SCUBE2: variants seen among roughly 807,000 people sequenced by gnomAD.
SCUBE2 encodes the protein signal peptide, CUB domain and EGF like domain containing 2.
In SCUBE2, 114 loss-of-function variants were observed where a neutral mutation model predicts 125.9. The ratio of observed to expected loss-of-function variants is 0.91; its 90% CI spans 0.78 to 1.06. The LOEUF is 1.06. Among genes scored for constraint, SCUBE2 ranks in the 50% least tolerant of loss-of-function variants. The probability of loss-of-function intolerance (pLI) is 0.00; values close to 1 mark genes in which losing one functional copy is unlikely to be tolerated. For synonymous variants in SCUBE2, 459 were observed against 492.9 expected, an observed-to-expected ratio of 0.93 and a Z score of 0.91; for missense variants, 1,255 against 1,301.8, an observed-to-expected ratio of 0.96 and a Z score of 0.55.
Position 9,027,445 on chromosome 11 carries a change from G to A in SCUBE2, c.2620C>T (p.Arg874Cys), listed in dbSNP as rs1289340109. The change falls in exon 20 of 23, where the codon CGC becomes TGC. Residue 874 changes from arginine to cysteine, a missense_variant. Physicochemically the swap from Arg to Cys is radical, Grantham distance 180 (BLOSUM62 -3). This residue lies in a region of SCUBE2 where 515 missense variants were observed against 515.7 expected (regional missense o/e 1.00). Coordinates refer to ENST00000649792, the MANE Select transcript of SCUBE2 (RefSeq NM_001367977.2). ...CTWTINPPPK[R>C]RILIVVPEIF... ...TCAGGGACCACGATCAGGATGCGGC[G>A]CTTGGGGGGTGGGTTGATGGTCCAC... The A allele has an allele frequency of 9.9e-6, 16 of 1,613,964 alleles. No individual in the cohort carries two copies. The highest frequency in any genetic ancestry group is 1.3e-5 in the Non-Finnish European group (15 of 1,180,024).
In SCUBE2 at chr11:9,054,745, T is replaced by TTTTTTTTTTTTC. The variant is rs1350882447; in HGVS notation, c.1208-987_1208-986insGAAAAAAAAAAA. ...TATATATTTTTTTTTTTTTTTTTTT[T>TTTTTTTTTTTTC]TTTTTTTCAGGTGGAGTTTCGCTCT... On this transcript the variant is annotated intron_variant, in intron 10 of 22. Transcript: ENST00000649792. Among the ~76,000 whole-genome samples the TTTTTTTTTTTTC allele has an allele frequency of 9.1e-5, 10 of 110,432 alleles. 1 individual carries two copies. The highest frequency in any genetic ancestry group is 1.7e-4 in the Non-Finnish European group (9 of 54,046). The allele number at this position is 110,432 out of a possible 152,430, so 72.4% of individuals were successfully genotyped here.
chr11:9,091,105 C>T lies in SCUBE2; in HGVS notation c.133+291G>A, dbSNP rs1334582962. 6.6e-6 allele frequency among the ~76,000 whole-genome samples: 1 copy of T among 152,196 alleles called. No homozygotes were observed. Among genetic ancestry groups the T allele is most frequent in the Non-Finnish European group, 1.5e-5 (1 of 68,030 alleles). ...CAAGGCCAGGGTCCGCACCCTCCTG[C>T]CTGCTCGCCGGCGACGGTCTGACTA... On this transcript the variant is annotated intron_variant, in intron 1 of 22. Transcript: ENST00000649792. The surrounding 1 kb of genome is among the most constrained non-coding windows in gnomAD (Gnocchi z 8.5).
intron 17 of SCUBE2, among the ~76,000 whole-genome samples, chr11:9,033,005 A>G (rs1856445662): frequency 6.6e-6 from 1 of 152,178 alleles, no homozygotes; most frequent in Non-Finnish European, 1.5e-5. Context: ...TGGCCATCAG[A>G]TATAAATCAC....
chr11:9,047,578 G>A lies in SCUBE2; in HGVS notation c.1796-16C>T. ...TCACAAGAAGCTACAGAAACAAGAG[G>A]GACAGCAGTGCGGGAGGAGATCAGG... On this transcript the variant is annotated splice_polypyrimidine_tract_variant and intron_variant, in intron 15 of 22. Transcript: ENST00000649792. 2 of 1,612,366 alleles carry A rather than the reference G, an allele frequency of 1.2e-6. No individual in the cohort carries two copies. Among genetic ancestry groups the A allele is most frequent in the South Asian group, 2.2e-5 (2 of 90,882 alleles).
chr11:9,032,822 A>G (rs1856430015), intron 17 of SCUBE2, among the ~76,000 whole-genome samples: 1 of 152,210 alleles, frequency 6.6e-6, no homozygotes, highest in Admixed American at 6.5e-5. Context: ...TTGGAGTTTT[A>G]TAACAGACCA....
chr11:9,088,665 C>T (rs1032765995), intron 2 of SCUBE2, among the ~76,000 whole-genome samples: 3 of 152,188 alleles, frequency 2.0e-5, no homozygotes, highest in East Asian at 1.9e-4. Context: ...TAAAACCTCT[C>T]GAAGAGGAAG....
rs3751054 is a variant in SCUBE2, at chr11:9,047,500, T to C, written c.1858A>G (p.Thr620Ala). The change falls in exon 16 of 23, where the codon ACG becomes GCG. Residue 620 changes from threonine to alanine, a missense_variant. Physicochemically the swap from Thr to Ala is moderately conservative, Grantham distance 58. This residue lies in a region of SCUBE2 where 515 missense variants were observed against 515.7 expected (regional missense o/e 1.00). Transcript: ENST00000649792. ...TCCCTGTGGACGGCCTTTCTGAGCG[T>C]GCGGATGGCTTTACGGAGCCGCTTC... is the stretch of plus-strand genomic sequence containing the variant. ...TEKRLRKAIR[T>A]LRKAVHREQF... is the part of the protein sequence containing the mutation. 5.0e-6 allele frequency: 8 copies of C among 1,613,522 alleles called. No individual in the cohort carries two copies. In the East Asian group the frequency reaches 1.1e-4, roughly 22 times the overall value.
chr11:9,025,610 A>G, intron 21 of SCUBE2, 92 bp downstream of exon 21: 3 of 1,474,456 alleles, frequency 2.0e-6, no homozygotes. Flanking sequence ...CTTTCTGAGC[A>G]TGTGTGCTTG....
chr11:9,025,460 C>G (rs902043595), intron 21 of SCUBE2: 2 of 411,806 alleles, frequency 4.9e-6, no homozygotes, highest in African/African-American at 4.0e-5. Context: ...CTCCAGTGCC[C>G]ATGTTCTTAC....
intron 13 of SCUBE2, among the ~76,000 whole-genome samples, chr11:9,051,943 G>A (rs1361993166): frequency 6.6e-6 from 1 of 152,164 alleles, no homozygotes; most frequent in Non-Finnish European, 1.5e-5. Context: ...GTGAAGGATA[G>A]TGCTTGAGAC....
chr11:9,091,312 C>G lies in SCUBE2; in HGVS notation c.133+84G>C, dbSNP rs1268879024. The G allele has an allele frequency of 2.9e-6, 3 of 1,022,148 alleles. No individual in the cohort carries two copies. The highest frequency in any genetic ancestry group is 3.7e-6 in the Non-Finnish European group (3 of 803,198). 63.3% of individuals were successfully genotyped at this position (1,022,148 alleles called of 1,614,324 possible). A position where few individuals can be genotyped will look rare whatever the true frequency, so the allele number is the denominator to read the frequency against. ...CCGCCAGCCCCGAGCCCCGCGCGCC[C>G]GGCTCTGGACTCCGCCGGGGACCTA... is the stretch of plus-strand genomic sequence containing the variant. On this transcript the variant is annotated intron_variant, in intron 1 of 22. Coordinates refer to ENST00000649792, the MANE Select transcript of SCUBE2 (RefSeq NM_001367977.2). This position sits in a 1 kb window ranked among gnomAD's most constrained non-coding sequence, Gnocchi z 8.5.
intron 7 of SCUBE2, among the ~76,000 whole-genome samples, chr11:9,061,574 A>G (rs1859692077): frequency 6.6e-6 from 1 of 151,274 alleles, no homozygotes; most frequent in African/African-American, 2.4e-5. Context: ...AAGAAAAGAA[A>G]AAAAAAAAAA....
chr11:9,054,824 C>T (rs1297978069), intron 10 of SCUBE2, among the ~76,000 whole-genome samples: 1 of 147,374 alleles, frequency 6.8e-6, no homozygotes, highest in East Asian at 2.0e-4. Flanking sequence ...CAACCTCCAC[C>T]TCCCGGGTTC....
In SCUBE2 at chr11:9,048,036, G is replaced by A; in HGVS notation, c.1702C>T (p.Gln568Ter). 1.2e-6 allele frequency: 2 copies of A among 1,614,162 alleles called. No homozygotes were observed. The highest frequency in any genetic ancestry group is 1.1e-5 in the South Asian group (1 of 91,084). ...YVNLTCSSGKQVPGAPGRPST... is the reference protein window; with the variant it reads ...YVNLTCSSGK The stretch of plus-strand genomic sequence containing the variant: ...GGTCGGCCAGGGGCTCCTGGGACTT[G>A]CTTGCCAGAGCTGCATGTAAGGTTT... Residue 568 changes from glutamine (Q) to a stop codon, truncating the protein, a stop_gained, in exon 15 of 23, where the codon CAA (glutamine) becomes TAA (stop). Transcript: ENST00000649792. LOFTEE classifies it high-confidence loss of function.
intron 3 of SCUBE2, among the ~76,000 whole-genome samples, chr11:9,078,552 AG>A (rs1263965710): frequency 6.6e-6 from 1 of 152,124 alleles, no homozygotes; most frequent in Non-Finnish European, 1.5e-5. Flanking sequence ...CCACACCATA[AG>A]GGGGCGTCTG....
intron 1 of SCUBE2, 108 bp from the exon 2 acceptor site, chr11:9,089,937 A>C: frequency 1.4e-6 from 2 of 1,394,428 alleles, no homozygotes; most frequent in Non-Finnish European, 1.9e-6. Context: ...TTCACTCCTC[A>C]CAAGCTACAG....
At chr11:9,073,408 G>C (rs1451740385) in intron 4 of SCUBE2, among the ~76,000 whole-genome samples, 1 of 152,182 alleles carries the variant, frequency 6.6e-6, no homozygotes, top group East Asian at 1.9e-4. Context: ...GCCCCTGGGG[G>C]TTCCTCTGAC....
intron 16 of SCUBE2, among the ~76,000 whole-genome samples, chr11:9,043,463 A>AT (rs151177606): frequency 0.085 from 12,483 of 146,854 alleles, 638 homozygotes; most frequent in South Asian, 0.24. Flanking sequence ...CCCTATAATC[A>AT]TTTTTTTTTT....
intron 4 of SCUBE2, 122 bp from the exon 5 acceptor site, chr11:9,069,617 C>T (rs755780845): frequency 6.4e-5 from 82 of 1,283,640 alleles, no homozygotes; most frequent in Middle Eastern, 3.9e-4. Flanking sequence ...ATCAGCCCCA[C>T]ATTTGAAAAG....
Sources: allele counts gnomAD v4.1 joint callset (sites outside exome capture counted in the v4.1 genomes callset), GRCh38; gene constraint gnomAD v4.1.1; regional missense constraint gnomAD v4.1.1; non-coding constraint Gnocchi (gnomAD v3.1); transcripts MANE v1.5; gene names NCBI Gene and HGNC (gene_info 2026-07-23, HGNC 2026-07-21).